PRPF38A: variants seen among roughly 807,000 people sequenced by gnomAD.
PRPF38A encodes the protein pre-mRNA processing factor 38A.
PRPF38A carries 11 observed loss-of-function variants against 46.8 expected under a neutral mutation model. The observed-to-expected ratio is 0.24, with a 90% CI of 0.15 to 0.39. PRPF38A has a LOEUF of 0.39. PRPF38A is among the 10% of genes least tolerant of loss of function. The pLI, the probability that PRPF38A is intolerant of heterozygous loss-of-function variation, is 1.00. For synonymous variants in PRPF38A, 124 were observed against 136.2 expected (o/e 0.91, Z 0.62); for missense variants, 261 against 407.5 (o/e 0.64, Z 3.10).
chr1:52,406,537 GA>G (rs149414850), intron 2 of PRPF38A, among the ~76,000 whole-genome samples: 14,517 of 152,134 alleles, frequency 0.095, 2,278 homozygotes, highest in African/African-American at 0.33. Flanking sequence ...TGACATTGGA[GA>G]GGTTACTTAA....
rs753548080 is a variant in PRPF38A at position 52,414,666 on chromosome 1, G to T, written c.749+19G>T. On this transcript the variant is annotated intron_variant, in intron 7 of 9. Coordinates refer to ENST00000257181, the MANE Select transcript of PRPF38A (RefSeq NM_032864.4). ...GGAGAAGGTAGGCCTTCAGTCATTT[G>T]TGATGAAGGATAGGGCTTTGGGGAG... 2.3e-5 allele frequency: 37 copies of T among 1,613,892 alleles called. No individual in the cohort carries two copies. The highest frequency in any genetic ancestry group is 3.1e-5 in the Non-Finnish European group (37 of 1,179,840).
chr1:52,411,498 A>G (rs554326730), intron 4 of PRPF38A, among the ~76,000 whole-genome samples: 1 of 152,326 alleles, frequency 6.6e-6, no homozygotes, highest in African/African-American at 2.4e-5. Flanking sequence ...CCTTGTTACA[A>G]AGTCAGCACA....
rs1393027012 is a variant in PRPF38A at position 52,414,837 on chromosome 1, C to T, written c.825C>T (p.His275=). The change falls in exon 8 of 10, where the codon CAC becomes CAT. Residue 275 remains histidine, a synonymous_variant. Transcript: ENST00000257181. ...GCAGCAGGTCCCGAGATCGGCGGCACAGATCCCGTTCCAAGTCCCCAGGTA... is the reference window on the plus strand; with the variant it reads ...GCAGCAGGTCCCGAGATCGGCGGCATAGATCCCGTTCCAAGTCCCCAGGTA... ...RHRSRSRDRR[H]RSRSKSPGHH... is the part of the protein sequence containing the mutation. 8.7e-6 allele frequency: 14 copies of T among 1,614,124 alleles called. No homozygotes were observed. In the East Asian group the frequency reaches 2.7e-4, roughly 31 times the overall value.
At chr1:52,406,288 T>G (rs556339095) in intron 2 of PRPF38A, among the ~76,000 whole-genome samples, 1 of 152,218 alleles carries the variant, frequency 6.6e-6, no homozygotes, top group East Asian at 1.9e-4. Flanking sequence ...CACCACACCC[T>G]GCCAAGTTTG....
chr1:52,410,506 ATT>A (rs535162950), intron 3 of PRPF38A, among the ~76,000 whole-genome samples: 3 of 142,750 alleles, frequency 2.1e-5, no homozygotes, highest in African/African-American at 5.2e-5. Context: ...TAGACATATA[ATT>A]TTTTTTTTTT....
At chr1:52,408,829 C>G in intron 3 of PRPF38A, 139 bp downstream of exon 3, 1 of 1,110,622 alleles carries the variant, frequency 9.0e-7, no homozygotes, top group Non-Finnish European at 1.3e-6. Flanking sequence ...CAGGTTTTCC[C>G]TTGTCCCTCA....
At chr1:52,410,090 A>G (rs1468673629) in intron 3 of PRPF38A, among the ~76,000 whole-genome samples, 1 of 148,638 alleles carries the variant, frequency 6.7e-6, no homozygotes, top group Non-Finnish European at 1.5e-5. Context: ...TTATATTTAC[A>G]TACAAATATA....
At position 52,416,648 on chromosome 1, in the gene PRPF38A, G is replaced by T; in HGVS notation, c.897G>T (p.Arg299Ser). ...TTATTTATATGTGTTGCCATTTCAG[G>T]TCTAAGAAGAGCCACAAGAAGAGCC... ...RHRSHSKSPE[R>S]SKKSHKKSRR... Residue 299 changes from arginine to serine, a missense_variant and splice_region_variant, in exon 10 of 10, where the codon AGG (arginine) becomes AGT (serine). By Grantham distance (110) the Arg-to-Ser change is moderately radical. Around this residue, in one of 2 missense-constraint regions of PRPF38A, gnomAD observed 180 missense variants for 221.0 expected, o/e 0.81. Coordinates refer to ENST00000257181, the MANE Select transcript of PRPF38A (RefSeq NM_032864.4). 1 of 1,612,232 alleles carries T rather than the reference G, an allele frequency of 6.2e-7. No homozygotes were observed.
At chr1:52,412,878 T>C (rs1398193259) in intron 5 of PRPF38A, among the ~76,000 whole-genome samples, 1 of 152,088 alleles carries the variant, frequency 6.6e-6, no homozygotes, top group East Asian at 1.9e-4. Flanking sequence ...GGTGGGTGCC[T>C]GTAATCCTAG....
At chr1:52,407,202 A>G (rs1186251185) in intron 2 of PRPF38A, among the ~76,000 whole-genome samples, 4 of 152,116 alleles carry the variant, frequency 2.6e-5, no homozygotes, top group African/African-American at 7.2e-5. Context: ...TATTTTTACT[A>G]GAGACGGCAT....
At chr1:52,406,532 T>C (rs752106129) in intron 2 of PRPF38A, among the ~76,000 whole-genome samples, 5 of 146,772 alleles carry the variant, frequency 3.4e-5, no homozygotes, top group African/African-American at 5.5e-5. Flanking sequence ...AACTATGACA[T>C]TGGAGAGGTT....
chr1:52,414,557 G>A (rs1648236633), intron 6 of PRPF38A, 64 bp from the exon 7 acceptor site: 8 of 1,582,130 alleles, frequency 5.1e-6, no homozygotes, highest in South Asian at 1.1e-5. Context: ...GATTGGGGCC[G>A]TTTTTGCAAT....
rs894692159 is a variant in PRPF38A at position 52,414,512 on chromosome 1, C to T, written c.723-109C>T. The T allele has an allele frequency of 2.4e-5, 27 of 1,127,776 alleles. No individual in the cohort carries two copies. In the African/African-American group the frequency reaches 4.0e-4, roughly 17 times the overall value. The allele number at this position is 1,127,776 out of a possible 1,614,324, so 69.9% of individuals were successfully genotyped here. On this transcript the variant is annotated intron_variant, in intron 6 of 9. Coordinates refer to ENST00000257181, the MANE Select transcript of PRPF38A (RefSeq NM_032864.4). ...AGTTACGTGACAAAAGACATGGATA[C>T]AGAGGTGGGTGATACAGAGAAGCGT... is the stretch of plus-strand genomic sequence containing the variant.
intron 3 of PRPF38A, 85 bp downstream of exon 3, chr1:52,408,775 CA>C: frequency 6.8e-7 from 1 of 1,462,594 alleles, no homozygotes; most frequent in Non-Finnish European, 9.4e-7. Context: ...TTGTCATAGA[CA>C]GTGTGAATGC....
chr1:52,408,789 C>T, intron 3 of PRPF38A, 99 bp downstream of exon 3: 2 of 1,381,788 alleles, frequency 1.4e-6, no homozygotes, highest in East Asian at 2.3e-5. Context: ...GTGAATGCTC[C>T]TTTTCATCTA....
Position 52,412,514 on chromosome 1 carries a change from A to G in PRPF38A, c.499A>G (p.Lys167Glu). 1 of 1,609,008 alleles carries G rather than the reference A, an allele frequency of 6.2e-7. No individual in the cohort carries two copies. Among genetic ancestry groups the G allele is most frequent in the Non-Finnish European group, 8.5e-7 (1 of 1,176,052 alleles). The change falls in exon 5 of 10, where the codon AAA becomes GAA. Residue 167 changes from lysine to glutamate, a missense_variant and splice_region_variant. Physicochemically the swap from Lys to Glu is moderately conservative, Grantham distance 56. Around this residue, in one of 2 missense-constraint regions of PRPF38A, gnomAD observed 180 missense variants for 221.0 expected, o/e 0.81. Transcript: ENST00000257181. The part of the protein sequence containing the change: ...VCDIILPRLQ[K>E]RYVLEEAEQL... ...CTAACTCTCATCATTTTCTCTGTAG[A>G]AACGCTATGTATTAGAGGAAGCTGA... is the stretch of plus-strand genomic sequence containing the variant.
At position 52,418,817 on chromosome 1, in the gene PRPF38A, T is replaced by C. The variant is rs150400312; in HGVS notation, c.*2127T>C. ...ACAGCATACATTTTAAAAACGTATT[T>C]TACATCTTACCTCTGTACACATCTG... On this transcript the variant is annotated 3_prime_UTR_variant, in exon 10 of 10. Coordinates refer to ENST00000257181, the MANE Select transcript of PRPF38A (RefSeq NM_032864.4). The C allele has an allele frequency of 2.6e-4, 39 of 152,338 alleles. No individual in the cohort carries two copies. In the East Asian group the frequency reaches 7.3e-3, roughly 29 times the overall value. The allele number at this position is 152,338 out of a possible 1,614,324, so 9.4% of individuals were successfully genotyped here. A position where few individuals can be genotyped will look rare whatever the true frequency, so the allele number is the denominator to read the frequency against.
intron 6 of PRPF38A, among the ~76,000 whole-genome samples, chr1:52,414,253 A>G (rs1294361687): frequency 6.6e-6 from 1 of 152,122 alleles, no homozygotes; most frequent in East Asian, 1.9e-4. Flanking sequence ...TCGGCTGTCT[A>G]CTGGCTGGTA....
chr1:52,413,007 A>T (rs1468876474), intron 5 of PRPF38A, among the ~76,000 whole-genome samples: 2 of 152,024 alleles, frequency 1.3e-5, no homozygotes, highest in Non-Finnish European at 2.9e-5. Flanking sequence ...CTCAAAAAAA[A>T]TTTTTTTTCT....
Sources: gnomAD v4.1 joint callset for allele counts (sites outside exome capture counted in the v4.1 genomes callset) on GRCh38, gnomAD v4.1.1 for gene constraint, gnomAD v4.1.1 regional missense constraint, MANE v1.5 for transcripts, NCBI Gene and HGNC (gene_info 2026-07-23, HGNC 2026-07-21) for gene names.